SMS: variants seen among roughly 807,000 people sequenced by gnomAD.
SMS encodes the protein spermidine aminopropyltransferase.
In SMS, 3 loss-of-function variants were observed where a neutral mutation model predicts 33.0. That is an observed-to-expected ratio of 0.09 (90% CI 0.04 to 0.23). The LOEUF (loss-of-function observed/expected upper bound fraction) is 0.23. Among genes scored for constraint, SMS ranks in the 10% least tolerant of loss-of-function variants. SMS has a pLI of 1.00. For synonymous variants in SMS, 103 were observed against 112.2 expected, an observed-to-expected ratio of 0.92 and a Z score of 0.52; for missense variants, 117 against 288.6, an observed-to-expected ratio of 0.41 and a Z score of 4.31.
chrX:21,990,690 A>G (rs1294773071), intron 9 of SMS, among the ~76,000 whole-genome samples: 1 of 112,615 alleles, frequency 8.9e-6, no homozygotes, highest in Non-Finnish European at 1.9e-5. Flanking sequence ...GTCTTCCCAT[A>G]TAACCTCTAT....
intron 4 of SMS, among the ~76,000 whole-genome samples, chrX:21,975,891 C>T (rs1473790428): frequency 9.1e-6 from 1 of 110,131 alleles, no homozygotes; most frequent in African/African-American, 3.3e-5. Context: ...CATAAGAGTA[C>T]GTCAGGCCGC....
Position 21,977,050 on chromosome X carries a change from T to C in SMS, c.330-11T>C. On this transcript the variant is annotated splice_polypyrimidine_tract_variant and intron_variant, in intron 4 of 10. Transcript: ENST00000404933. ...CTAGTAAGGTACATTTCTGTTTTTC[T>C]CTTTTTCCAGATTACCACCCATAGT... 1 of 1,206,698 alleles carries C rather than the reference T, an allele frequency of 8.3e-7. No individual in the cohort carries two copies. The highest frequency in any genetic ancestry group is 1.1e-6 in the Non-Finnish European group (1 of 890,730).
In SMS at chrX:21,952,421, G is replaced by GT. The variant is rs545894421; in HGVS notation, c.49+11563dup. On this transcript the variant is annotated intron_variant, in intron 1 of 10. Transcript: ENST00000404933. ...GGTGGATCACGTTGTTTGTTTGTTT[G>GT]TTTTTTTTTTTTTTTGAATGTTGAA... 8.6e-3 allele frequency among the ~76,000 whole-genome samples: 289 copies of GT among 33,430 alleles called. 3 individuals are homozygous for GT. The South Asian group carries it at 0.087, about 10-fold the overall frequency. 29.0% of individuals were successfully genotyped at this position (33,430 alleles called of 115,157 possible). A position where few individuals can be genotyped will look rare whatever the true frequency, so the allele number is the denominator to read the frequency against.
At chrX:21,944,962 G>A (rs1922110972) in intron 1 of SMS, among the ~76,000 whole-genome samples, 1 of 112,132 alleles carries the variant, frequency 8.9e-6, no homozygotes, top group African/African-American at 3.2e-5. Context: ...CTGGGCGACA[G>A]AGAGACTGTG....
intron 9 of SMS, among the ~76,000 whole-genome samples, chrX:21,988,909 A>G (rs1925572933): frequency 9.1e-6 from 1 of 109,668 alleles, no homozygotes; most frequent in Non-Finnish European, 1.9e-5. Context: ...AAGTGTTTTC[A>G]TGGAACCTAG....
intron 1 of SMS, among the ~76,000 whole-genome samples, chrX:21,949,440 G>C (rs375266138): frequency 3.6e-5 from 4 of 112,210 alleles, no homozygotes; most frequent in Admixed American, 2.8e-4. Context: ...GAAGGGTAAC[G>C]AAAGCTCTGC....
chrX:21,979,181 A>G (rs1924736227), intron 7 of SMS, among the ~76,000 whole-genome samples: 1 of 61,391 alleles, frequency 1.6e-5, no homozygotes, highest in Non-Finnish European at 3.3e-5. Context: ...ATTAAATAAA[A>G]TTAATTCTTT....
chrX:21,959,911 G>C (rs1301653636), intron 1 of SMS: 15 of 752,710 alleles, frequency 2.0e-5, no homozygotes, highest in Non-Finnish European at 2.3e-5. Flanking sequence ...AGAGAGTGCA[G>C]ATCCCTGAAA....
chrX:21,979,075 A>G, intron 7 of SMS, 109 bp downstream of exon 7: 1 of 563,953 alleles, frequency 1.8e-6, no homozygotes, highest in Non-Finnish European at 3.1e-6. Flanking sequence ...GAGAAGATAA[A>G]TACATCATCT....
At chrX:21,967,674 C>T (rs1020477128) in intron 2 of SMS, among the ~76,000 whole-genome samples, 7 of 111,813 alleles carry the variant, frequency 6.3e-5, no homozygotes, top group African/African-American at 2.3e-4. Context: ...AAGGGAGTGA[C>T]GTGAATAGTT....
intron 4 of SMS, among the ~76,000 whole-genome samples, chrX:21,973,203 A>G (rs1004066835): frequency 8.9e-6 from 1 of 112,305 alleles, no homozygotes; most frequent in South Asian, 3.6e-4. Context: ...CACCTCATCA[A>G]AGGGAGCTAG....
chrX:21,967,398 C>T (rs1260028277), intron 2 of SMS, 82 bp downstream of exon 2: 7 of 1,083,454 alleles, frequency 6.5e-6, no homozygotes, highest in Non-Finnish European at 8.9e-6. Flanking sequence ...GGGGTGGCAT[C>T]CGGCATTTTT....
In SMS at chrX:21,978,125, T is replaced by C; in HGVS notation, c.660+11T>C. ...GTCACTATGGTAGAGATATCCTTTG[T>C]TGTATAAGAGAACAAGTTCAGTGGG... On this transcript the variant is annotated intron_variant, in intron 6 of 10. Transcript: ENST00000404933. 8.3e-7 allele frequency: 1 copy of C among 1,202,830 alleles called. No homozygotes were observed. Among genetic ancestry groups the C allele is most frequent in the East Asian group, 3.0e-5 (1 of 33,816 alleles).
At chrX:21,981,484 A>G (rs1924941672) in intron 7 of SMS, among the ~76,000 whole-genome samples, 1 of 112,053 alleles carries the variant, frequency 8.9e-6, no homozygotes, top group African/African-American at 3.2e-5. Context: ...GTGTGAAGCG[A>G]AATATGTCCT....
At position 21,977,997 on chromosome X, in the gene SMS, C is replaced by A. The variant is rs1924644258; in HGVS notation, c.543C>A (p.Ile181=). ...AESDLAYTRA[I]MGSGKEDYTG... ...GTGATTTGGCATATACCCGGGCCATCATGGGCAGTGGCAAAGAAGATTACA... is the reference window on the plus strand; with the variant it reads ...GTGATTTGGCATATACCCGGGCCATAATGGGCAGTGGCAAAGAAGATTACA... Residue 181 remains isoleucine (I), a synonymous_variant, in exon 6 of 11, where the codon ATC becomes ATA. Transcript: ENST00000404933. The A allele has an allele frequency of 8.3e-7, 1 of 1,207,773 alleles. No homozygotes were observed. Among genetic ancestry groups the A allele is most frequent in the African/African-American group, 1.8e-5 (1 of 57,072 alleles).
At chrX:21,964,317 C>T (rs778977357) in intron 1 of SMS, among the ~76,000 whole-genome samples, 15 of 111,013 alleles carry the variant, frequency 1.4e-4, no homozygotes, top group Non-Finnish European at 1.9e-4. Flanking sequence ...ATGGATTCTG[C>T]GCTGGTAGTT....
At chrX:21,984,781 T>C (rs747446766) in intron 8 of SMS, among the ~76,000 whole-genome samples, 2 of 112,276 alleles carry the variant, frequency 1.8e-5, no homozygotes, top group East Asian at 2.8e-4. Flanking sequence ...TTGTTCCAAA[T>C]CACAGCTAGT....
At chrX:21,993,192 A>G (rs1336227899) in intron 10 of SMS, among the ~76,000 whole-genome samples, 1 of 112,321 alleles carries the variant, frequency 8.9e-6, no homozygotes, top group Non-Finnish European at 1.9e-5. Flanking sequence ...TACCTGTGGC[A>G]GGTAAAATGT....
intron 9 of SMS, 87 bp from the exon 10 acceptor site, chrX:21,992,510 A>C (rs1285240145): frequency 1.1e-5 from 6 of 567,538 alleles, no homozygotes; most frequent in Non-Finnish European, 1.9e-5. Context: ...TAAAGCTAGA[A>C]TTGTTCTCCT....
Sources: allele counts gnomAD v4.1 joint callset (sites outside exome capture counted in the v4.1 genomes callset), GRCh38; gene constraint gnomAD v4.1.1; transcripts MANE v1.5; gene names NCBI Gene and HGNC (gene_info 2026-07-23, HGNC 2026-07-21).